The following ROBO1 variants were observed in gnomAD, a reference collection of about 807,000 sequenced individuals.
ROBO1 encodes roundabout homolog 1.
ROBO1 carries 149 observed loss-of-function variants against 195.9 expected under a neutral mutation model. That is an observed-to-expected ratio of 0.76 (90% CI 0.67 to 0.87). ROBO1 has a LOEUF of 0.87. Among genes scored for constraint, ROBO1 ranks in the 40% least tolerant of loss-of-function variants. ROBO1 has a pLI of 0.00. For missense variants in ROBO1, 1,933 were observed against 2,068.3 expected (o/e 0.93, Z 1.27); for synonymous variants, 816 against 733.2 (o/e 1.11, Z -1.82).
intron 2 of ROBO1, among the ~76,000 whole-genome samples, chr3:79,135,477 G>C (rs2080388196): frequency 6.6e-6 from 1 of 152,038 alleles, no homozygotes; most frequent in South Asian, 2.1e-4. Flanking sequence ...CCAGCTTAAA[G>C]TTTCCAGAAA....
intron 1 of ROBO1, among the ~76,000 whole-genome samples, chr3:79,663,172 TTCTC>T (rs1190202414): frequency 2.6e-5 from 4 of 152,150 alleles, no homozygotes; most frequent in Non-Finnish European, 4.4e-5. Context: ...TATTCACAGA[TTCTC>T]TATGGTTTAC....
intron 3 of ROBO1, among the ~76,000 whole-genome samples, chr3:79,009,088 C>T (rs1251775107): frequency 1.3e-4 from 19 of 150,908 alleles, no homozygotes; most frequent in Non-Finnish European, 2.8e-4. Context: ...TTACAGGTGC[C>T]CACCACAACG....
intron 2 of ROBO1, among the ~76,000 whole-genome samples, chr3:79,420,144 G>C (rs1183023550): frequency 2.6e-5 from 4 of 151,966 alleles, no homozygotes; most frequent in Non-Finnish European, 5.9e-5. Context: ...TACCTGAACA[G>C]GTGTTTCAGA....
chr3:78,603,790 T>C (rs572190928), intron 29 of ROBO1, among the ~76,000 whole-genome samples: 7 of 152,182 alleles, frequency 4.6e-5, no homozygotes, highest in South Asian at 2.1e-4. Flanking sequence ...AAATAAAAAT[T>C]TGGAAAAGCA....
chr3:79,409,454 G>A (rs1283554183), intron 2 of ROBO1, among the ~76,000 whole-genome samples: 2 of 152,076 alleles, frequency 1.3e-5, no homozygotes, highest in Non-Finnish European at 2.9e-5. Flanking sequence ...GGAAATTGAA[G>A]ATCTCTCCAA....
At chr3:78,773,517 T>A (rs1382591767) in intron 4 of ROBO1, among the ~76,000 whole-genome samples, 1 of 152,150 alleles carries the variant, frequency 6.6e-6, no homozygotes, top group East Asian at 1.9e-4. Flanking sequence ...ATACCATAAG[T>A]CATCTAAGAT....
intron 1 of ROBO1, among the ~76,000 whole-genome samples, chr3:79,647,252 C>A (rs1377085684): frequency 6.6e-6 from 1 of 151,962 alleles, no homozygotes; most frequent in East Asian, 1.9e-4. Context: ...TACAGAACTT[C>A]AGTTTTGGCA....
At chr3:78,647,558 A>C in intron 20 of ROBO1, 71 bp downstream of exon 20, 1 of 1,429,504 alleles carries the variant, frequency 7.0e-7, no homozygotes, top group Non-Finnish European at 9.9e-7. Context: ...ATGAAATAAA[A>C]ACAGAAACAC....
At chr3:78,966,093 G>A (rs1325877630) in intron 3 of ROBO1, among the ~76,000 whole-genome samples, 1 of 152,132 alleles carries the variant, frequency 6.6e-6, no homozygotes, top group Non-Finnish European at 1.5e-5. Context: ...AAACCCTACT[G>A]TGAACTGAGC....
intron 2 of ROBO1, among the ~76,000 whole-genome samples, chr3:79,300,045 G>A (rs181902059): frequency 6.6e-6 from 1 of 152,344 alleles, no homozygotes; most frequent in East Asian, 1.9e-4. Flanking sequence ...AGTACTGAGA[G>A]GTGACAGCGT....
At chr3:79,069,260 GTATGTATGCAGCTATA>G (rs2079050128) in intron 3 of ROBO1, among the ~76,000 whole-genome samples, 1 of 151,680 alleles carries the variant, frequency 6.6e-6, no homozygotes, top group Non-Finnish European at 1.5e-5. Context: ...ATCACTTTAT[GTATGTATGCAGCTATA>G]TATCTATGTA....
intron 3 of ROBO1, among the ~76,000 whole-genome samples, chr3:78,968,099 C>G (rs902680951): frequency 3.3e-5 from 5 of 152,082 alleles, no homozygotes; most frequent in African/African-American, 4.8e-5. Context: ...ATCAAAAGAT[C>G]TGCAAGTTTT....
intron 27 of ROBO1, among the ~76,000 whole-genome samples, chr3:78,615,412 G>A (rs1431992935): frequency 6.6e-6 from 1 of 152,050 alleles, no homozygotes; most frequent in Non-Finnish European, 1.5e-5. Context: ...GATACTTAAC[G>A]TGATCCCTCC....
At chr3:79,568,535 T>C (rs1256043427) in intron 2 of ROBO1, among the ~76,000 whole-genome samples, 1 of 151,312 alleles carries the variant, frequency 6.6e-6, no homozygotes. Context: ...ATTGGGACGC[T>C]TGCCTTCTCT....
chr3:78,689,525 GA>G (rs773554272), intron 8 of ROBO1, among the ~76,000 whole-genome samples: 2,827 of 141,870 alleles, frequency 0.02, 47 homozygotes, highest in African/African-American at 0.044. Context: ...TCACTTCTGG[GA>G]AAAAAAAAAA....
chr3:79,215,223 A>G (rs555523083), intron 2 of ROBO1, among the ~76,000 whole-genome samples: 2 of 152,126 alleles, frequency 1.3e-5, no homozygotes, highest in Admixed American at 6.6e-5. Context: ...CAAAATAGCA[A>G]TAAGTCTCAG....
At chr3:78,952,295 T>C (rs1402188344) in intron 3 of ROBO1, among the ~76,000 whole-genome samples, 2 of 150,698 alleles carry the variant, frequency 1.3e-5, no homozygotes, top group Admixed American at 6.6e-5. Context: ...ACCATAAATA[T>C]TAATAGACAA....
chr3:79,439,290 G>A (rs2038981478), intron 2 of ROBO1, among the ~76,000 whole-genome samples: 1 of 152,020 alleles, frequency 6.6e-6, no homozygotes, highest in African/African-American at 2.4e-5. Context: ...AAGCCAATGA[G>A]GATGTATACA....
intron 1 of ROBO1, among the ~76,000 whole-genome samples, chr3:79,701,628 C>G (rs1947624510): frequency 6.6e-6 from 1 of 151,642 alleles, no homozygotes; most frequent in African/African-American, 2.4e-5. Context: ...AAAAACAAAA[C>G]TGAATATATC....
Sources: gnomAD v4.1 joint callset for allele counts (sites outside exome capture counted in the v4.1 genomes callset) on GRCh38, gnomAD v4.1.1 for gene constraint, MANE v1.5 for transcripts, NCBI Gene and HGNC (gene_info 2026-07-23, HGNC 2026-07-21) for gene names.